DPP6: variants seen among roughly 807,000 people sequenced by gnomAD.
DPP6 encodes the protein A-type potassium channel modulatory protein DPP6.
A neutral mutation model predicts 122.6 loss-of-function variants in DPP6; 69 were observed. The ratio of observed to expected loss-of-function variants is 0.56; its 90% CI spans 0.46 to 0.69. The LOEUF (loss-of-function observed/expected upper bound fraction) is 0.69. Among genes scored for constraint, DPP6 ranks in the 30% least tolerant of loss-of-function variants. The probability of loss-of-function intolerance (pLI) is 0.00; values close to 1 mark genes in which losing one functional copy is unlikely to be tolerated. For synonymous variants in DPP6, 418 were observed against 433.1 expected (o/e 0.97, Z 0.43); for missense variants, 928 against 1,116.9 (o/e 0.83, Z 2.41).
intron 1 of DPP6, among the ~76,000 whole-genome samples, chr7:154,145,548 G>A (rs906637058): frequency 2.6e-5 from 4 of 151,218 alleles, no homozygotes; most frequent in African/African-American, 9.7e-5. Context: ...ACACTGGTAG[G>A]TTTATAGGAT....
At chr7:154,231,246 T>C (rs1354772373) in intron 1 of DPP6, among the ~76,000 whole-genome samples, 1 of 152,204 alleles carries the variant, frequency 6.6e-6, no homozygotes, top group Non-Finnish European at 1.5e-5. Context: ...TAGAGATGGC[T>C]AGCATGACTT....
intron 3 of DPP6, among the ~76,000 whole-genome samples, chr7:154,476,556 C>A (rs920320725): frequency 4.6e-5 from 7 of 152,168 alleles, no homozygotes; most frequent in Admixed American, 2.0e-4. Context: ...TCCTAACACA[C>A]AAGACTCAGA....
the DPP6 span, among the ~76,000 whole-genome samples, chr7:153,841,918 CTG>C: frequency 1.3e-3 from 204 of 152,320 alleles, 3 homozygotes; most frequent in African/African-American, 4.3e-3. Flanking sequence ...TACAAAATAA[CTG>C]TGTCATTCTT....
chr7:154,599,971 C>A (rs1833335808), intron 5 of DPP6, among the ~76,000 whole-genome samples: 1 of 152,110 alleles, frequency 6.6e-6, no homozygotes, highest in Admixed American at 6.6e-5. Context: ...CACTTCAATC[C>A]CGCTCTTCTC....
intron 17 of DPP6, 64 bp downstream of exon 17, chr7:154,853,891 A>G (rs1802606242): frequency 6.2e-7 from 1 of 1,601,218 alleles, no homozygotes; most frequent in Non-Finnish European, 8.5e-7. Flanking sequence ...AAAACACTCT[A>G]TGAGATCAGC....
Position 154,129,748 on chromosome 7 carries a change from C to A in DPP6, c.243+76685C>A, listed in dbSNP as rs377471481. The stretch of plus-strand genomic sequence containing the variant: ...CCCTGTCTCTGCTAAAAAGACAAAA[C>A]AATTAGCCAGGCGTGGTGGTGGGCA... On this transcript the variant is annotated intron_variant, in intron 1 of 25. Transcript: ENST00000377770. 4.9e-3 allele frequency among the ~76,000 whole-genome samples: 740 copies of A among 152,028 alleles called. 5 individuals carry two copies. The highest frequency in any genetic ancestry group is 0.017 in the African/African-American group (705 of 41,474).
intron 1 of DPP6, among the ~76,000 whole-genome samples, chr7:154,132,737 G>A (rs1447211524): frequency 6.6e-6 from 1 of 151,968 alleles, no homozygotes; most frequent in Non-Finnish European, 1.5e-5. Flanking sequence ...TCTTCCATTG[G>A]GTGGCCCTGA....
At chr7:153,767,432 A>G in the DPP6 span, among the ~76,000 whole-genome samples, 1 of 152,068 alleles carries the variant, frequency 6.6e-6, no homozygotes, top group Non-Finnish European at 1.5e-5. Flanking sequence ...CAGTGGTACA[A>G]TCTCGGCTCA....
chr7:153,965,990 A>G (rs1215264696), intron 1 of DPP6, among the ~76,000 whole-genome samples: 1 of 151,044 alleles, frequency 6.6e-6, no homozygotes, highest in Non-Finnish European at 1.5e-5. Context: ...AGAAAGACTG[A>G]TAAGTTTTCA....
At chr7:154,108,195 G>C (rs1241780609) in intron 1 of DPP6, among the ~76,000 whole-genome samples, 2 of 152,156 alleles carry the variant, frequency 1.3e-5, no homozygotes, top group Non-Finnish European at 2.9e-5. Flanking sequence ...CTCATCATGA[G>C]ACTTCTGTGG....
chr7:154,408,120 A>G (rs1816276617), intron 1 of DPP6, among the ~76,000 whole-genome samples: 2 of 152,200 alleles, frequency 1.3e-5, no homozygotes, highest in Admixed American at 1.3e-4. Flanking sequence ...AAGTAATTCT[A>G]GTTGGAGGGG....
intron 7 of DPP6, among the ~76,000 whole-genome samples, chr7:154,671,358 G>A (rs1368530933): frequency 2.6e-5 from 4 of 152,192 alleles, no homozygotes. Flanking sequence ...GGATGGGAAT[G>A]TGTAACCTTA....
intron 1 of DPP6, among the ~76,000 whole-genome samples, chr7:154,108,640 G>A (rs1806338774): frequency 6.6e-6 from 1 of 152,180 alleles, no homozygotes; most frequent in Non-Finnish European, 1.5e-5. Flanking sequence ...ACAAACACAG[G>A]CTGCAGAGCA....
intron 5 of DPP6, among the ~76,000 whole-genome samples, chr7:154,632,855 G>T (rs999400079): frequency 2.6e-5 from 4 of 152,144 alleles, no homozygotes; most frequent in Admixed American, 2.0e-4. Flanking sequence ...GAAATTTCCT[G>T]ACTAGAGGGA....
At chr7:154,184,976 T>G (rs746616713) in intron 1 of DPP6, among the ~76,000 whole-genome samples, 2 of 152,214 alleles carry the variant, frequency 1.3e-5, no homozygotes, top group Non-Finnish European at 2.9e-5. Flanking sequence ...GATCTTAGCC[T>G]CTGGGAGCCG....
At chr7:154,671,826 C>T (rs1838574518) in intron 7 of DPP6, among the ~76,000 whole-genome samples, 1 of 151,704 alleles carries the variant, frequency 6.6e-6, no homozygotes, top group Admixed American at 6.6e-5. Context: ...GACAACTTCT[C>T]AGAGAAGGCT....
intron 10 of DPP6, among the ~76,000 whole-genome samples, chr7:154,776,711 G>T (rs541165184): frequency 2.0e-5 from 3 of 152,170 alleles, no homozygotes; most frequent in Non-Finnish European, 4.4e-5. Flanking sequence ...GATATCTTCA[G>T]TTGTGCTGGT....
rs751168859 is a variant in DPP6 at position 154,794,217 on chromosome 7, G to T, written c.1260+15G>T. 6.3e-6 allele frequency: 10 copies of T among 1,594,270 alleles called. No individual in the cohort carries two copies. Among genetic ancestry groups the T allele is most frequent in the Admixed American group, 1.7e-5 (1 of 58,534 alleles). ...TCTGCACGAAGGTACGCGGGGCTGT[G>T]GGGGTGGAGGGGAGACGGGTGAAGA... On this transcript the variant is annotated intron_variant, in intron 11 of 25. Transcript: ENST00000377770.
At chr7:154,500,449 G>C (rs11771308) in intron 3 of DPP6, among the ~76,000 whole-genome samples, 9,760 of 152,230 alleles carry the variant, frequency 0.064, 294 homozygotes, top group Middle Eastern at 0.13. Context: ...CATTTTGAAT[G>C]GTAATTCCCA....
Sources: gnomAD v4.1 joint callset for allele counts (sites outside exome capture counted in the v4.1 genomes callset) on GRCh38, gnomAD v4.1.1 for gene constraint, MANE v1.5 for transcripts, NCBI Gene and HGNC (gene_info 2026-07-23, HGNC 2026-07-21) for gene names.